OTOA: variants seen among roughly 807,000 people sequenced by gnomAD.
The protein encoded by OTOA is cancer/testis antigen 108.
A neutral mutation model predicts 110.8 loss-of-function variants in OTOA; 70 were observed. That is an observed-to-expected ratio of 0.63 (90% CI 0.52 to 0.77). The LOEUF (loss-of-function observed/expected upper bound fraction) is 0.77. OTOA is among the 30% of genes least tolerant of loss of function. The pLI is 0.00. For missense variants in OTOA, 917 were observed against 1,075.8 expected, an observed-to-expected ratio of 0.85 and a Z score of 2.06; for synonymous variants, 373 against 431.5, an observed-to-expected ratio of 0.86 and a Z score of 1.68.
chr16:21,704,141 T>A (rs1395491257), intron 11 of OTOA, among the ~76,000 whole-genome samples: 1 of 152,092 alleles, frequency 6.6e-6, no homozygotes, highest in Non-Finnish European at 1.5e-5. Context: ...TTGCTCTCAG[T>A]TATACCAGGG....
At chr16:21,706,626 C>G (rs1367338390) in intron 12 of OTOA, among the ~76,000 whole-genome samples, 2 of 152,126 alleles carry the variant, frequency 1.3e-5, no homozygotes, top group Admixed American at 6.5e-5. Context: ...AGTCAAGTCT[C>G]AATTCTACCC....
chr16:21,723,508 A>G (rs1178253764), intron 18 of OTOA, among the ~76,000 whole-genome samples: 3 of 151,944 alleles, frequency 2.0e-5, no homozygotes, highest in African/African-American at 7.3e-5. Context: ...TAAATTTTCT[A>G]TCTGAAGATT....
intron 9 of OTOA, among the ~76,000 whole-genome samples, chr16:21,695,233 C>T (rs570888800): frequency 6.9e-6 from 1 of 145,904 alleles, no homozygotes; most frequent in Non-Finnish European, 1.5e-5. Flanking sequence ...GACCCCCCCC[C>T]CCCATACAAA....
Position 21,692,788 on chromosome 16 carries a change from C to A in OTOA, c.739+1101C>A, listed in dbSNP as rs1019223010. 2.0e-5 allele frequency among the ~76,000 whole-genome samples: 3 copies of A among 150,266 alleles called. No individual in the cohort carries two copies. The South Asian group carries it at 6.3e-4, about 31-fold the overall frequency. On this transcript the variant is annotated intron_variant, in intron 9 of 28. Transcript: ENST00000646100. ...CTAAAAATACAAAAAATTAGCCTGG[C>A]GTGGTGGTTCATGTCTGTAATCCCA...
intron 9 of OTOA, among the ~76,000 whole-genome samples, chr16:21,695,891 A>ATATATATATATATATTTTT (rs569493650): frequency 4.8e-5 from 2 of 41,902 alleles, no homozygotes; most frequent in African/African-American, 1.5e-4. Flanking sequence ...ATATATATAT[A>ATATATATATATATATTTTT]TTTTTTTTTT....
intron 21 of OTOA, among the ~76,000 whole-genome samples, chr16:21,734,751 G>A (rs1462273249): frequency 1.3e-5 from 2 of 151,906 alleles, no homozygotes; most frequent in African/African-American, 4.8e-5. Flanking sequence ...GTAGGAGAAC[G>A]GCGTGAACCC....
In OTOA at chr16:21,687,434, G is replaced by A. The variant is rs142664340; in HGVS notation, c.421G>A (p.Asp141Asn). ...TTAGGACCTGAAAGACATCATCATC[G>A]ACTTAGGAGAGATTCGAGAACGAGC... ...DGLDLKDIII[D>N]LGEIRERALQ... is the part of the protein sequence containing the mutation. The change falls in exon 8 of 29, where the codon GAC (aspartate) becomes AAC (asparagine). Residue 141 changes from aspartate (D) to asparagine (N), a missense_variant. Coordinates refer to ENST00000646100, the MANE Select transcript of OTOA (RefSeq NM_144672.4). 1.6e-5 allele frequency: 26 copies of A among 1,613,980 alleles called. No homozygotes were observed. The highest frequency in any genetic ancestry group is 3.3e-5 in the Admixed American group (2 of 60,012).
chr16:21,709,398 A>G (rs760410033), intron 12 of OTOA, among the ~76,000 whole-genome samples: 22 of 152,036 alleles, frequency 1.4e-4, no homozygotes, highest in Non-Finnish European at 2.8e-4. Context: ...CCACACCATT[A>G]TACTCCAGCC....
chr16:21,726,077 C>T (rs535150778), intron 18 of OTOA, among the ~76,000 whole-genome samples: 20 of 152,244 alleles, frequency 1.3e-4, no homozygotes, highest in Admixed American at 9.2e-4. Context: ...TATTCTCTCT[C>T]CTCGTTGTCT....
intron 27 of OTOA, among the ~76,000 whole-genome samples, chr16:21,756,520 A>T (rs1267381672): frequency 6.6e-6 from 1 of 152,022 alleles, no homozygotes; most frequent in African/African-American, 2.4e-5. Context: ...CAGGCCTCTG[A>T]TCTTTAAGGC....
chr16:21,678,161 C>T (rs1385923888), intron 1 of OTOA, among the ~76,000 whole-genome samples: 1 of 152,078 alleles, frequency 6.6e-6, no homozygotes, highest in African/African-American at 2.4e-5. Context: ...GCTGGGATTA[C>T]AGGTGTGAGC....
chr16:21,719,085 C>T, intron 15 of OTOA, 48 bp from the exon 16 acceptor site: 3 of 1,563,614 alleles, frequency 1.9e-6, no homozygotes, highest in Non-Finnish European at 2.6e-6. Context: ...CAGTGTTGGG[C>T]ACACGCTGAG....
intron 13 of OTOA, among the ~76,000 whole-genome samples, chr16:21,712,623 G>A (rs997196513): frequency 2.6e-5 from 4 of 151,624 alleles, no homozygotes; most frequent in Non-Finnish European, 5.9e-5. Flanking sequence ...GGCAGATCAC[G>A]AGGTCAGGAG....
intron 14 of OTOA, among the ~76,000 whole-genome samples, chr16:21,716,017 C>T (rs1381986776): frequency 6.6e-6 from 1 of 151,980 alleles, no homozygotes; most frequent in East Asian, 1.9e-4. Context: ...TCAAGGGATC[C>T]TCCCACCTCA....
At chr16:21,666,243 A>AT (rs61085785) in intron 1 of OTOA, among the ~76,000 whole-genome samples, 1,390 of 129,004 alleles carry the variant, frequency 0.011, 19 homozygotes, top group Middle Eastern at 0.018. Flanking sequence ...ATGAAATGGC[A>AT]TTTTTTTTTT....
intron 17 of OTOA, among the ~76,000 whole-genome samples, chr16:21,721,004 C>T (rs1212413840): frequency 6.6e-6 from 1 of 151,144 alleles, no homozygotes; most frequent in Non-Finnish European, 1.5e-5. Flanking sequence ...CAACCTCCGC[C>T]CCTGGGTTCA....
chr16:21,670,271 C>A (rs548180494), intron 1 of OTOA, among the ~76,000 whole-genome samples: 1 of 152,156 alleles, frequency 6.6e-6, no homozygotes, highest in Non-Finnish European at 1.5e-5. Context: ...GATACCTCTC[C>A]AACCCCATGT....
chr16:21,714,367 TTC>T (rs1204181118), intron 13 of OTOA, among the ~76,000 whole-genome samples: 3 of 83,708 alleles, frequency 3.6e-5, no homozygotes, highest in African/African-American at 6.6e-5. Context: ...CTCTCTTTCT[TTC>T]TCTCTCTTTC....
At chr16:21,737,441 T>A (rs1597858253) in intron 22 of OTOA, among the ~76,000 whole-genome samples, 1 of 152,174 alleles carries the variant, frequency 6.6e-6, no homozygotes, top group South Asian at 2.1e-4. Context: ...GCCAGGCTGG[T>A]CTTGAACGCT....
Sources: gnomAD v4.1 joint callset for allele counts (sites outside exome capture counted in the v4.1 genomes callset) on GRCh38, gnomAD v4.1.1 for gene constraint, MANE v1.5 for transcripts, NCBI Gene and HGNC (gene_info 2026-07-23, HGNC 2026-07-21) for gene names.